SERPINH1: variants seen among roughly 807,000 people sequenced by gnomAD.
The protein encoded by SERPINH1 is serpin H1.
A neutral mutation model predicts 32.3 loss-of-function variants in SERPINH1; 22 were observed. The ratio of observed to expected loss-of-function variants is 0.68; its 90% CI spans 0.49 to 0.97. SERPINH1 has a LOEUF of 0.97. Ranked by LOEUF, SERPINH1 falls within the 50% of genes least tolerant of loss-of-function variation. SERPINH1 has a pLI of 0.00. For synonymous variants in SERPINH1, 251 were observed against 245.9 expected, an observed-to-expected ratio of 1.02 and a Z score of -0.19; for missense variants, 543 against 576.4, an observed-to-expected ratio of 0.94 and a Z score of 0.59.
chr11:75,566,437 C>T lies in SERPINH1; in HGVS notation c.88C>T (p.Pro30Ser), dbSNP rs1942074654. 2 of 1,612,140 alleles carry T rather than the reference C, an allele frequency of 1.2e-6. No homozygotes were observed. The highest frequency in any genetic ancestry group is 1.7e-6 in the Non-Finnish European group (2 of 1,179,742). Residue 30 changes from proline (P) to serine (S), a missense_variant, in exon 2 of 5, where the codon CCT becomes TCT. Pro to Ser is a moderately conservative substitution (Grantham distance 74). This residue lies in a region of SERPINH1 where 109 missense variants were observed against 102.4 expected (regional missense o/e 1.06). Coordinates refer to ENST00000358171, the MANE Select transcript of SERPINH1 (RefSeq NM_001235.5). The stretch of plus-strand genomic sequence containing the variant: ...GAAGAAACCTGCAGCCGCAGCAGCT[C>T]CTGGCACTGCGGAGAAGTTGAGCCC... ...EVKKPAAAAA[P>S]GTAEKLSPKA...
intron 2 of SERPINH1, chr11:75,568,225 A>T (rs1337071553): frequency 1.1e-5 from 2 of 186,906 alleles, no homozygotes; most frequent in Non-Finnish European, 2.3e-5. Context: ...GGAATTCAAG[A>T]CTGCAGTGTG....
intron 1 of SERPINH1, among the ~76,000 whole-genome samples, chr11:75,564,865 C>G (rs1942045998): frequency 6.6e-6 from 1 of 152,184 alleles, no homozygotes; most frequent in Non-Finnish European, 1.5e-5. Flanking sequence ...TTTGGGATGG[C>G]AGCAGTAGAA....
intron 4 of SERPINH1, among the ~76,000 whole-genome samples, chr11:75,571,194 A>G (rs1448673121): frequency 6.6e-6 from 1 of 152,198 alleles, no homozygotes; most frequent in Admixed American, 6.5e-5. Context: ...CCCAGCTTCA[A>G]GCATTATCAG....
rs1942216992 is a variant in SERPINH1 at position 75,572,497 on chromosome 11, CCT to C, written c.*418_*419del. 3.5e-6 allele frequency: 1 copy of C among 282,198 alleles called. No individual in the cohort carries two copies. Among genetic ancestry groups the C allele is most frequent in the Admixed American group, 4.6e-5 (1 of 21,554 alleles). The allele number at this position is 282,198 out of a possible 1,614,324, so 17.5% of individuals were successfully genotyped here. ...AGCTGCCTCCCCAGCTCTATCCCAA[CCT>C]CTCCCAACTATAAAACTAGGTGCTG... On this transcript the variant is annotated 3_prime_UTR_variant, in exon 5 of 5. Transcript: ENST00000358171.
chr11:75,568,550 C>A, intron 2 of SERPINH1, 181 bp from the exon 3 acceptor site: 1 of 666,730 alleles, frequency 1.5e-6, no homozygotes, highest in Non-Finnish European at 2.7e-6. Context: ...GGCCAAGACC[C>A]CTTCCCAAAG....
At chr11:75,569,323 G>A in intron 4 of SERPINH1, 152 bp downstream of exon 4, 1 of 628,904 alleles carries the variant, frequency 1.6e-6, no homozygotes, top group Non-Finnish European at 2.8e-6. Context: ...GGGGCAGGAG[G>A]TGTGGGCCAT....
At position 75,571,798 on chromosome 11, in the gene SERPINH1, G is replaced by T; in HGVS notation, c.972G>T (p.Leu324=). The change falls in exon 5 of 5, where the codon CTG becomes CTT. Residue 324 remains leucine, a synonymous_variant. Transcript: ENST00000358171. The stretch of plus-strand genomic sequence containing the variant: ...TCCCACAGAAACACCTGGCTGGGCT[G>T]GGCCTGACTGAGGCCATTGACAAGA... The part of the protein sequence containing the change: ...THDLQKHLAG[L]GLTEAIDKNK... The T allele has an allele frequency of 1.2e-6, 2 of 1,613,918 alleles. No individual in the cohort carries two copies. Among genetic ancestry groups the T allele is most frequent in the Non-Finnish European group, 1.7e-6 (2 of 1,180,014 alleles).
intron 1 of SERPINH1, among the ~76,000 whole-genome samples, chr11:75,564,551 C>T (rs1341684490): frequency 1.3e-5 from 2 of 152,194 alleles, no homozygotes; most frequent in South Asian, 2.1e-4. Context: ...CCATTTTACT[C>T]TTATAAGTGT....
chr11:75,571,402 A>G (rs944521811), intron 4 of SERPINH1, among the ~76,000 whole-genome samples: 9 of 152,318 alleles, frequency 5.9e-5, no homozygotes, highest in South Asian at 2.1e-4. Flanking sequence ...AAAGGAATCC[A>G]TGCCCACTCC....
chr11:75,562,527 G>A (rs1479600499), intron 1 of SERPINH1: 3 of 152,380 alleles, frequency 2.0e-5, no homozygotes, highest in African/African-American at 7.2e-5. Flanking sequence ...TGCCAGCTGA[G>A]GGCTAGGGCG....
Position 75,572,101 on chromosome 11 carries a change from A to AGGAT in SERPINH1, c.*21_*24dup, listed in dbSNP as rs779187142. On this transcript the variant is annotated 3_prime_UTR_variant, in exon 5 of 5. Coordinates refer to ENST00000358171, the MANE Select transcript of SERPINH1 (RefSeq NM_001235.5). ...AGTTATAGGGCCTCAGGGTGCACAC[A>AGGAT]GGATGGCAGGAGGCATCCAAAGGCT... 6.0e-5 allele frequency: 97 copies of AGGAT among 1,607,924 alleles called. 1 individual carries two copies. Among genetic ancestry groups the AGGAT allele is most frequent in the Middle Eastern group, 1.7e-4 (1 of 5,968 alleles).
chr11:75,571,802 C>G lies in SERPINH1; in HGVS notation c.976C>G (p.Leu326Val), dbSNP rs1270038150. The change falls in exon 5 of 5, where the codon CTG becomes GTG. Residue 326 changes from leucine (L) to valine (V), a missense_variant. Physicochemically the swap from Leu to Val is conservative, Grantham distance 32. Coordinates refer to ENST00000358171, the MANE Select transcript of SERPINH1 (RefSeq NM_001235.5). The stretch of plus-strand genomic sequence containing the variant: ...ACAGAAACACCTGGCTGGGCTGGGC[C>G]TGACTGAGGCCATTGACAAGAACAA... ...DLQKHLAGLG[L>V]TEAIDKNKAD... The G allele has an allele frequency of 2.5e-6, 4 of 1,613,978 alleles. No individual in the cohort carries two copies. Among genetic ancestry groups the G allele is most frequent in the South Asian group, 1.1e-5 (1 of 91,076 alleles).
At chr11:75,570,401 G>T (rs1328291761) in intron 4 of SERPINH1, among the ~76,000 whole-genome samples, 1 of 152,112 alleles carries the variant, frequency 6.6e-6, no homozygotes, top group African/African-American at 2.4e-5. Flanking sequence ...CCTGGTCCTG[G>T]CCCTGATCCT....
rs189882479 is a variant in SERPINH1, at chr11:75,572,311, A to G, written c.*228A>G. 2,986 of 603,162 alleles carry G rather than the reference A, an allele frequency of 5.0e-3. 24 individuals are homozygous for G. Among genetic ancestry groups the G allele is most frequent in the South Asian group, 9.7e-3 (517 of 53,078 alleles). The allele number at this position is 603,162 out of a possible 1,614,324, so 37.4% of individuals were successfully genotyped here. On this transcript the variant is annotated 3_prime_UTR_variant, in exon 5 of 5. Coordinates refer to ENST00000358171, the MANE Select transcript of SERPINH1 (RefSeq NM_001235.5). The stretch of plus-strand genomic sequence containing the variant: ...ATGATGCTGAGCCCGGAAACTCCAC[A>G]TCCTGTGGGACCTGGGCCATAGTCA...
At chr11:75,569,210 A>G (rs1211480987) in intron 4 of SERPINH1, 39 bp downstream of exon 4, 1 of 1,481,300 alleles carries the variant, frequency 6.8e-7, no homozygotes, top group Admixed American at 1.9e-5. Context: ...CAGGCCTTGG[A>G]GCCAGGGGGA....
intron 1 of SERPINH1, among the ~76,000 whole-genome samples, chr11:75,565,420 A>G (rs920324382): frequency 6.6e-6 from 1 of 151,946 alleles, no homozygotes; most frequent in African/African-American, 2.4e-5. Flanking sequence ...CTATGTCAGG[A>G]AGCCTCCTCC....
In SERPINH1 at chr11:75,572,189, ATGGGG is replaced by A. The variant is rs948544048; in HGVS notation, c.*112_*116del. On this transcript the variant is annotated 3_prime_UTR_variant, in exon 5 of 5. Coordinates refer to ENST00000358171, the MANE Select transcript of SERPINH1 (RefSeq NM_001235.5). ...GTGAGGTACCAGCCTTGGATACTCC[ATGGGG>A]TGGGGGTGGAAAAACAGACCGGGGT... 43 of 865,456 alleles carry A rather than the reference ATGGGG, an allele frequency of 5.0e-5. No individual in the cohort carries two copies. The highest frequency in any genetic ancestry group is 3.5e-4 in the Middle Eastern group (1 of 2,844). The allele number at this position is 865,456 out of a possible 1,614,324, so 53.6% of individuals were successfully genotyped here. A position where few individuals can be genotyped will look rare whatever the true frequency, so the allele number is the denominator to read the frequency against.
In SERPINH1 at chr11:75,571,867, C is replaced by T. The variant is rs751935361; in HGVS notation, c.1041C>T (p.Tyr347=). 7 of 1,614,218 alleles carry T rather than the reference C, an allele frequency of 4.3e-6. No homozygotes were observed. Among genetic ancestry groups the T allele is most frequent in the African/African-American group, 1.3e-5 (1 of 75,070 alleles). ...LSRMSGKKDL[Y]LASVFHATAF... ...GCATGTCAGGCAAGAAGGACCTGTA[C>T]CTGGCCAGCGTGTTCCACGCCACCG... Residue 347 remains tyrosine, a synonymous_variant, in exon 5 of 5, where the codon TAC becomes TAT. Transcript: ENST00000358171.
intron 1 of SERPINH1, 99 bp downstream of exon 1, chr11:75,562,418 G>A (rs1474838689): frequency 1.3e-5 from 2 of 152,256 alleles, no homozygotes; most frequent in African/African-American, 2.4e-5. Context: ...ACCCTGCGAA[G>A]CGTTGGGTGC....
Sources: gnomAD v4.1 joint callset for allele counts (sites outside exome capture counted in the v4.1 genomes callset) on GRCh38, gnomAD v4.1.1 for gene constraint, gnomAD v4.1.1 regional missense constraint, MANE v1.5 for transcripts, NCBI Gene and HGNC (gene_info 2026-07-23, HGNC 2026-07-21) for gene names.